The following GAREM1 variants were observed in gnomAD, a reference collection of about 807,000 sequenced individuals.
GAREM1 encodes the protein GRB2 associated regulator of MAPK1 subtype 1, also known as GRB2-associated and regulator of MAPK protein 1.
Under a neutral mutation model 71.3 loss-of-function variants are expected in GAREM1, and 26 were observed. The ratio of observed to expected loss-of-function variants is 0.36; its 90% CI spans 0.27 to 0.51. The LOEUF is 0.51. Among genes scored for constraint, GAREM1 ranks in the 20% least tolerant of loss-of-function variants. The pLI is 0.95. For synonymous variants in GAREM1, 440 were observed against 433.2 expected, an observed-to-expected ratio of 1.02 and a Z score of -0.20; for missense variants, 1,026 against 1,103.1, an observed-to-expected ratio of 0.93 and a Z score of 0.99.
chr18:32,270,629 T>C (rs1210945223), intron 4 of GAREM1, among the ~76,000 whole-genome samples: 1 of 152,238 alleles, frequency 6.6e-6, no homozygotes, highest in Non-Finnish European at 1.5e-5. Context: ...TGGCAAATGC[T>C]GGCTGCTGCT....
intron 3 of GAREM1, chr18:32,290,234 T>C (rs1430523824): frequency 2.0e-5 from 3 of 152,152 alleles, no homozygotes; most frequent in Non-Finnish European, 2.9e-5. Flanking sequence ...TGTAACTATA[T>C]TGTTTTTGTG....
intron 1 of GAREM1, among the ~76,000 whole-genome samples, chr18:32,419,417 T>C (rs571871556): frequency 6.6e-6 from 1 of 152,118 alleles, no homozygotes; most frequent in Non-Finnish European, 1.5e-5. Flanking sequence ...AGAGCCCTCA[T>C]GGGTAAGATT....
At chr18:32,397,506 G>A (rs1383987289) in intron 1 of GAREM1, among the ~76,000 whole-genome samples, 2 of 152,156 alleles carry the variant, frequency 1.3e-5, no homozygotes, top group Admixed American at 6.5e-5. Flanking sequence ...TGCAATCCTA[G>A]TCTCTGACAA....
chr18:32,304,282 G>A (rs184747931), intron 3 of GAREM1, among the ~76,000 whole-genome samples: 74 of 152,096 alleles, frequency 4.9e-4, no homozygotes, highest in Admixed American at 1.3e-3. Context: ...ACTCCAGCCT[G>A]GGTGACAGAG....
At chr18:32,282,137 C>A (rs9947150) in intron 4 of GAREM1, among the ~76,000 whole-genome samples, 7,645 of 152,214 alleles carry the variant, frequency 0.05, 340 homozygotes, top group African/African-American at 0.11. Context: ...ACTCAGCCCG[C>A]CTGCACCCAG....
intron 4 of GAREM1, among the ~76,000 whole-genome samples, chr18:32,276,644 G>C (rs949279062): frequency 6.6e-6 from 1 of 152,120 alleles, no homozygotes; most frequent in Non-Finnish European, 1.5e-5. Flanking sequence ...GAAGAACATG[G>C]CATAAAAGAA....
intron 3 of GAREM1, among the ~76,000 whole-genome samples, chr18:32,307,178 T>C (rs1377546934): frequency 1.3e-5 from 2 of 152,206 alleles, no homozygotes; most frequent in South Asian, 2.1e-4. Flanking sequence ...TTTGGACTTG[T>C]AAATAAATAT....
chr18:32,461,556 G>A (rs2048953930), intron 1 of GAREM1, among the ~76,000 whole-genome samples: 1 of 152,082 alleles, frequency 6.6e-6, no homozygotes, highest in African/African-American at 2.4e-5. Flanking sequence ...TTAGGCAGGT[G>A]TGGTGGCAAG....
chr18:32,294,079 A>G (rs574410621), intron 3 of GAREM1, among the ~76,000 whole-genome samples: 1 of 152,348 alleles, frequency 6.6e-6, no homozygotes, highest in African/African-American at 2.4e-5. Context: ...TAAATGCAAT[A>G]AAGTACACTT....
chr18:32,335,311 T>C (rs2047579343), intron 2 of GAREM1, among the ~76,000 whole-genome samples: 1 of 152,220 alleles, frequency 6.6e-6, no homozygotes, highest in South Asian at 2.1e-4. Flanking sequence ...TCCTCTTTTC[T>C]TGCAGTTCAA....
intron 2 of GAREM1, among the ~76,000 whole-genome samples, chr18:32,370,757 T>G (rs1376092903): frequency 1.3e-5 from 2 of 152,072 alleles, no homozygotes; most frequent in East Asian, 3.9e-4. Context: ...TGTTTACAAT[T>G]TTTATATATA....
intron 2 of GAREM1, among the ~76,000 whole-genome samples, chr18:32,340,554 A>G (rs896281808): frequency 5.9e-5 from 9 of 152,200 alleles, no homozygotes; most frequent in Non-Finnish European, 8.8e-5. Flanking sequence ...GCAGGCAACA[A>G]TGAGATTTCA....
At chr18:32,383,738 C>T (rs1199727246) in intron 2 of GAREM1, among the ~76,000 whole-genome samples, 1 of 152,090 alleles carries the variant, frequency 6.6e-6, no homozygotes, top group Non-Finnish European at 1.5e-5. Flanking sequence ...CACTGAGTAC[C>T]TAAATGTAAG....
intron 1 of GAREM1, among the ~76,000 whole-genome samples, chr18:32,437,802 T>C (rs1263327161): frequency 6.6e-6 from 1 of 152,224 alleles, no homozygotes; most frequent in Non-Finnish European, 1.5e-5. Context: ...ATAGCAAATA[T>C]AAGTTTTAAA....
chr18:32,270,374 C>G lies in GAREM1; in HGVS notation c.1576G>C (p.Glu526Gln). Residue 526 changes from glutamate to glutamine, a missense_variant, in exon 5 of 6, where the codon GAA becomes CAA. By Grantham distance (29) the Glu-to-Gln change is conservative. Coordinates refer to ENST00000269209, the MANE Select transcript of GAREM1 (RefSeq NM_001242409.2). ...GGTGGGGCGTTCAGGAGCCGGCATT[C>G]TTCTCTGACCTGGCGCAGAAAAGAA... ...VPPKSEAVRE[E>Q]CRLLNAPPVP... 6.2e-7 allele frequency: 1 copy of G among 1,611,470 alleles called. No homozygotes were observed. Among genetic ancestry groups the G allele is most frequent in the Non-Finnish European group, 8.5e-7 (1 of 1,179,152 alleles).
intron 2 of GAREM1, among the ~76,000 whole-genome samples, chr18:32,334,005 G>T (rs1371227440): frequency 2.6e-5 from 4 of 152,176 alleles, no homozygotes; most frequent in Non-Finnish European, 4.4e-5. Context: ...GGATGATTCA[G>T]GGCAGGATCT....
At chr18:32,402,641 A>G (rs1193021199) in intron 1 of GAREM1, among the ~76,000 whole-genome samples, 4 of 152,042 alleles carry the variant, frequency 2.6e-5, no homozygotes, top group Non-Finnish European at 5.9e-5. Context: ...TGTCTCCTCT[A>G]CAATCTTATA....
At chr18:32,404,410 T>C (rs913798967) in intron 1 of GAREM1, among the ~76,000 whole-genome samples, 1 of 152,050 alleles carries the variant, frequency 6.6e-6, no homozygotes, top group Non-Finnish European at 1.5e-5. Flanking sequence ...CACACGCTCA[T>C]GTTGGGTTTT....
intron 2 of GAREM1, among the ~76,000 whole-genome samples, chr18:32,360,798 G>A (rs892358419): frequency 2.6e-5 from 4 of 151,986 alleles, no homozygotes; most frequent in Non-Finnish European, 5.9e-5. Flanking sequence ...CATTTTCTGC[G>A]ATCTCACTCT....
Sources: allele counts gnomAD v4.1 joint callset (sites outside exome capture counted in the v4.1 genomes callset), GRCh38; gene constraint gnomAD v4.1.1; transcripts MANE v1.5; gene names NCBI Gene and HGNC (gene_info 2026-07-23, HGNC 2026-07-21).